The following EDIL3 variants were observed in gnomAD, a reference collection of about 807,000 sequenced individuals.
EDIL3 encodes EGF-like repeat and discoidin I-like domain-containing protein 3.
Under a neutral mutation model 67.4 loss-of-function variants are expected in EDIL3, and 37 were observed. The ratio of observed to expected loss-of-function variants is 0.55; its 90% confidence interval spans 0.42 to 0.72. EDIL3 has a LOEUF of 0.72. EDIL3 is among the 30% of genes least tolerant of loss of function. The probability of loss-of-function intolerance (pLI) is 0.00; values close to 1 mark genes in which losing one functional copy is unlikely to be tolerated. For missense variants in EDIL3, 527 were observed against 586.3 expected, an observed-to-expected ratio of 0.90 and a Z score of 1.04; for synonymous variants, 195 against 196.3, an observed-to-expected ratio of 0.99 and a Z score of 0.05.
rs1053329511 is a variant in EDIL3 at position 84,262,963 on chromosome 5, G to A, written c.68-8751C>T. On this transcript the variant is annotated intron_variant, in intron 1 of 10. Coordinates refer to ENST00000296591, the MANE Select transcript of EDIL3 (RefSeq NM_005711.5). ...TAGGATTATAGGCATGAGCCACCGC[G>A]CCCCTGGCCCCAAGCATTTTTGACT... Among the ~76,000 whole-genome samples the A allele has an allele frequency of 2.6e-5, 4 of 151,732 alleles. No individual in the cohort carries two copies. The East Asian group carries it at 5.8e-4, about 22-fold the overall frequency.
chr5:84,031,220 T>C (rs1242551757), intron 9 of EDIL3, among the ~76,000 whole-genome samples: 1 of 152,170 alleles, frequency 6.6e-6, no homozygotes, highest in Admixed American at 6.5e-5. Flanking sequence ...AGGACTTAAA[T>C]ATATAAATTT....
At chr5:83,997,724 T>C (rs1745258760) in intron 9 of EDIL3, among the ~76,000 whole-genome samples, 1 of 152,172 alleles carries the variant, frequency 6.6e-6, no homozygotes, top group African/African-American at 2.4e-5. Context: ...TAGAAGCCTG[T>C]ATTGATCATC....
intron 10 of EDIL3, among the ~76,000 whole-genome samples, chr5:83,945,155 C>T (rs1023020462): frequency 6.6e-6 from 1 of 151,962 alleles, no homozygotes; most frequent in Non-Finnish European, 1.5e-5. Context: ...ATTTAGCAGG[C>T]ATTTTATGCT....
intron 1 of EDIL3, among the ~76,000 whole-genome samples, chr5:84,374,197 A>T (rs1158985335): frequency 2.0e-5 from 3 of 151,564 alleles, no homozygotes; most frequent in Non-Finnish European, 4.4e-5. Context: ...TTATCTCTTG[A>T]GTCCAAGAAC....
intron 10 of EDIL3, among the ~76,000 whole-genome samples, chr5:83,944,094 T>C (rs776965805): frequency 6.6e-6 from 1 of 151,982 alleles, no homozygotes; most frequent in Non-Finnish European, 1.5e-5. Flanking sequence ...TACCTAATTA[T>C]ATGACTCCAG....
At chr5:83,955,767 G>C (rs1744504431) in intron 10 of EDIL3, among the ~76,000 whole-genome samples, 1 of 151,696 alleles carries the variant, frequency 6.6e-6, no homozygotes, top group South Asian at 2.1e-4. Flanking sequence ...CCACCTAATT[G>C]TTGTTAGACA....
At chr5:84,329,926 A>G (rs1247962124) in intron 1 of EDIL3, among the ~76,000 whole-genome samples, 2 of 152,086 alleles carry the variant, frequency 1.3e-5, no homozygotes, top group Admixed American at 1.3e-4. Flanking sequence ...ATAATTTGTA[A>G]TTTTTATACA....
chr5:84,186,796 G>A (rs145035432), intron 3 of EDIL3, among the ~76,000 whole-genome samples: 13 of 152,118 alleles, frequency 8.5e-5, no homozygotes, highest in African/African-American at 2.6e-4. Flanking sequence ...GCAGATCAAA[G>A]TTTGAGAACA....
intron 4 of EDIL3, among the ~76,000 whole-genome samples, chr5:84,155,331 GAC>G (rs1748471899): frequency 1.3e-5 from 2 of 152,160 alleles, no homozygotes; most frequent in Admixed American, 6.5e-5. Flanking sequence ...TGCTGCCAGA[GAC>G]ATTTGAAGCC....
intron 5 of EDIL3, among the ~76,000 whole-genome samples, chr5:84,135,798 T>C (rs1204343707): frequency 6.6e-6 from 1 of 152,200 alleles, no homozygotes; most frequent in Non-Finnish European, 1.5e-5. Context: ...TCAATGTCCT[T>C]CCTCAATTAC....
At chr5:84,288,072 T>C (rs539614903) in intron 1 of EDIL3, among the ~76,000 whole-genome samples, 3 of 152,192 alleles carry the variant, frequency 2.0e-5, no homozygotes, top group Non-Finnish European at 1.5e-5. Flanking sequence ...AAATTTAACA[T>C]GTCCACACTC....
chr5:84,252,727 T>C (rs985607229), intron 2 of EDIL3, among the ~76,000 whole-genome samples: 2 of 152,032 alleles, frequency 1.3e-5, no homozygotes, highest in African/African-American at 4.8e-5. Context: ...TCTAATTTTC[T>C]TCAGATATAC....
intron 9 of EDIL3, among the ~76,000 whole-genome samples, chr5:84,012,745 T>C (rs1745538317): frequency 6.6e-6 from 1 of 152,062 alleles, no homozygotes; most frequent in African/African-American, 2.4e-5. Context: ...GGTTAAGACA[T>C]TTATTAATTA....
At chr5:84,052,522 TAAAG>T (rs1466639244) in intron 9 of EDIL3, among the ~76,000 whole-genome samples, 3 of 151,994 alleles carry the variant, frequency 2.0e-5, no homozygotes, top group East Asian at 1.9e-4. Flanking sequence ...GCAAATTGGA[TAAAG>T]AGTCAAGACC....
intron 1 of EDIL3, among the ~76,000 whole-genome samples, chr5:84,338,278 A>G (rs1747029129): frequency 6.6e-6 from 1 of 152,164 alleles, no homozygotes; most frequent in Non-Finnish European, 1.5e-5. Context: ...TGCTTTGGCC[A>G]ATAGAATGCA....
At position 83,940,713 on chromosome 5, in the gene EDIL3, G is replaced by C. The variant is rs1204429120; in HGVS notation, c.*2706C>G. ...AAAAACAACATTGGAATATTACACA[G>C]CTTGAAGGTTTGCAAAGGTTATTTG... On this transcript the variant is annotated 3_prime_UTR_variant, in exon 11 of 11. Coordinates refer to ENST00000296591, the MANE Select transcript of EDIL3 (RefSeq NM_005711.5). 6.6e-6 allele frequency: 1 copy of C among 151,934 alleles called. No individual in the cohort carries two copies. Among genetic ancestry groups the C allele is most frequent in the African/African-American group, 2.4e-5 (1 of 41,422 alleles). The allele number at this position is 151,934 out of a possible 1,614,324, so 9.4% of individuals were successfully genotyped here.
chr5:84,020,850 C>G (rs977858150), intron 9 of EDIL3, among the ~76,000 whole-genome samples: 1 of 152,014 alleles, frequency 6.6e-6, no homozygotes, highest in Non-Finnish European at 1.5e-5. Flanking sequence ...ACTAAAGAAT[C>G]TCACATACAC....
chr5:84,074,623 G>A (rs980091056), intron 6 of EDIL3, among the ~76,000 whole-genome samples: 9 of 151,788 alleles, frequency 5.9e-5, no homozygotes, highest in African/African-American at 9.7e-5. Flanking sequence ...GGCCATCAGC[G>A]AAATGCAAAT....
intron 4 of EDIL3, among the ~76,000 whole-genome samples, chr5:84,165,660 C>A (rs1233519432): frequency 6.6e-6 from 1 of 152,206 alleles, no homozygotes. Context: ...ATGACAAAAC[C>A]TCCAGCAGCA....
Sources: gnomAD v4.1 joint callset for allele counts (sites outside exome capture counted in the v4.1 genomes callset) on GRCh38, gnomAD v4.1.1 for gene constraint, MANE v1.5 for transcripts, NCBI Gene and HGNC (gene_info 2026-07-23, HGNC 2026-07-21) for gene names.